CCNH: variants seen among roughly 807,000 people sequenced by gnomAD.
CCNH encodes the protein cyclin-H.
Under a neutral mutation model 41.9 loss-of-function variants are expected in CCNH, and 31 were observed. The observed-to-expected ratio is 0.74, with a 90% confidence interval of 0.56 to 1.00. The LOEUF (loss-of-function observed/expected upper bound fraction) is 1.00, where lower values mean the gene tolerates loss of function less well. CCNH is among the 50% of genes least tolerant of loss of function. The pLI is 0.00. For synonymous variants in CCNH, 138 were observed against 136.1 expected, an observed-to-expected ratio of 1.01 and a Z score of -0.10; for missense variants, 362 against 388.4, an observed-to-expected ratio of 0.93 and a Z score of 0.57.
chr5:87,410,379 C>G (rs1298626522), intron 2 of CCNH, among the ~76,000 whole-genome samples: 2 of 152,042 alleles, frequency 1.3e-5, no homozygotes, highest in African/African-American at 2.4e-5. Context: ...ACCTAAAACT[C>G]TCTCTGAATC....
At position 87,383,823 on chromosome 5, in the gene CCNH, T is replaced by A. The variant is rs80152927; in HGVS notation, c.*90+8947A>T. 3,494 of 1,506,744 alleles carry A rather than the reference T, an allele frequency of 2.3e-3. 57 individuals are homozygous for A. The African/African-American group carries it at 0.04, about 17-fold the overall frequency. The allele number at this position is 1,506,744 out of a possible 1,614,324, so 93.3% of individuals were successfully genotyped here. A position where few individuals can be genotyped will look rare whatever the true frequency, so the allele number is the denominator to read the frequency against. On this transcript the variant is annotated intron_variant and NMD_transcript_variant, in intron 9 of 9. Transcript: ENST00000645953. Reference sequence around the variant, plus strand: ...CATTTTGAAATTCAAAATATTAGAATTAACAGTTTCATACTATTTAAGAAT... The same window carrying A: ...CATTTTGAAATTCAAAATATTAGAAATAACAGTTTCATACTATTTAAGAAT...
At chr5:87,352,234 G>A (rs913643755) in intron 9 of CCNH, among the ~76,000 whole-genome samples, 2 of 151,072 alleles carry the variant, frequency 1.3e-5, no homozygotes, top group African/African-American at 4.8e-5. Context: ...CTTTTGTTTT[G>A]GTTTTTAACA....
chr5:87,374,457 ATATTTT>A, downstream of CCNH: 1 of 243,990 alleles, frequency 4.1e-6, no homozygotes, highest in Non-Finnish European at 6.7e-6. Flanking sequence ...ATATATATAT[ATATTTT>A]TTTTTTTTTT....
At chr5:87,375,708 A>G (rs969516885), downstream of CCNH, among the ~76,000 whole-genome samples, 5 of 152,316 alleles carry the variant, frequency 3.3e-5, no homozygotes, top group African/African-American at 1.2e-4. Flanking sequence ...TCCTGCTGCT[A>G]AAACAGTTGA....
intron 7 of CCNH, among the ~76,000 whole-genome samples, 158 bp from the exon 8 acceptor site, chr5:87,395,262 G>T (rs1040384886): frequency 3.3e-5 from 5 of 152,132 alleles, no homozygotes; most frequent in Non-Finnish European, 7.4e-5. Context: ...TAGGGAAAAT[G>T]ATACTTTTAC....
downstream of CCNH, chr5:87,392,785 A>G (rs1426245132): frequency 6.4e-6 from 1 of 155,750 alleles, no homozygotes; most frequent in African/African-American, 2.4e-5. Flanking sequence ...TAGGCCCTCT[A>G]GTAACTAGCT....
intron 9 of CCNH, among the ~76,000 whole-genome samples, chr5:87,338,536 A>ATATATATATATATATATATATTTTTT: frequency 4.7e-5 from 4 of 85,216 alleles, no homozygotes; most frequent in Admixed American, 2.6e-4. Flanking sequence ...TATATATAAA[A>ATATATATATATATATATATATTTTTT]TTTTTTTTTT....
chr5:87,376,640 A>T, exon 1 of CCNH: 1 of 1,511,608 alleles, frequency 6.6e-7, no homozygotes, highest in Non-Finnish European at 9.1e-7. Flanking sequence ...AGATCCATTA[A>T]GGTAAACATA....
chr5:87,314,203 TAAAG>T (rs572653004), downstream of CCNH, among the ~76,000 whole-genome samples: 20 of 151,938 alleles, frequency 1.3e-4, 1 homozygote, highest in South Asian at 1.0e-3. Context: ...AATAAAAAAA[TAAAG>T]AAAGTGCATG....
At chr5:87,358,898 C>G (rs1561307840) in intron 9 of CCNH, among the ~76,000 whole-genome samples, 1 of 152,128 alleles carries the variant, frequency 6.6e-6, no homozygotes, top group Non-Finnish European at 1.5e-5. Flanking sequence ...ATCCACTAGC[C>G]TCACTCTTAC....
chr5:87,381,211 T>C (rs1761690944), upstream of CCNH, among the ~76,000 whole-genome samples: 1 of 152,206 alleles, frequency 6.6e-6, no homozygotes, highest in African/African-American at 2.4e-5. Context: ...ATTTTTCCAA[T>C]GAAGAAGCAG....
At chr5:87,333,242 ATCT>A (rs1757725486) in intron 9 of CCNH, 3 of 1,607,564 alleles carry the variant, frequency 1.9e-6, no homozygotes, top group South Asian at 2.2e-5. Flanking sequence ...ATCTTTTTAA[ATCT>A]TTTTTTTTTT....
chr5:87,363,664 TATACATAA>T (rs1760283477), intron 9 of CCNH, among the ~76,000 whole-genome samples: 1 of 152,140 alleles, frequency 6.6e-6, no homozygotes, highest in African/African-American at 2.4e-5. Flanking sequence ...TAGACTAATA[TATACATAA>T]AGTCTACTTC....
chr5:87,343,305 A>T (rs2112404770), intron 9 of CCNH, among the ~76,000 whole-genome samples: 1 of 152,304 alleles, frequency 6.6e-6, no homozygotes, highest in South Asian at 2.1e-4. Context: ...ATTCTAGTTC[A>T]GGACTTTTTA....
At chr5:87,331,053 T>A in intron 9 of CCNH, 1 of 1,230,932 alleles carries the variant, frequency 8.1e-7, no homozygotes, top group East Asian at 2.6e-5. Context: ...GCAGTAGTGT[T>A]TATATTTTGA....
At chr5:87,374,442 C>CATAT (rs772543160), downstream of CCNH, 105 of 283,164 alleles carry the variant, frequency 3.7e-4, no homozygotes, top group East Asian at 1.1e-3. Flanking sequence ...GTTCTAATAG[C>CATAT]ATATATATAT....
Position 87,363,428 on chromosome 5 carries a change from C to T in CCNH, c.*90+29342G>A, listed in dbSNP as rs1554048066. On this transcript the variant is annotated intron_variant and NMD_transcript_variant, in intron 9 of 9. Coordinates refer to the CCNH transcript ENST00000645953. Reference sequence around the variant, plus strand: ...ACTTATTTATTTTGAAAGCGAAAAACGAGCTACCAAACCAAAAGGATTAAT... The same window carrying T: ...ACTTATTTATTTTGAAAGCGAAAAATGAGCTACCAAACCAAAAGGATTAAT... The T allele has an allele frequency of 6.2e-7, 1 of 1,610,912 alleles. No homozygotes were observed. The highest frequency in any genetic ancestry group is 8.5e-7 in the Non-Finnish European group (1 of 1,177,558).
chr5:87,390,416 T>C (rs571746397), downstream of CCNH, among the ~76,000 whole-genome samples: 1 of 152,070 alleles, frequency 6.6e-6, no homozygotes, highest in East Asian at 1.9e-4. Context: ...TCAAGTCCTG[T>C]TTCTCCCCGC....
At chr5:87,408,266 A>G (rs1763953272) in intron 3 of CCNH, 80 bp from the exon 4 acceptor site, 1 of 627,808 alleles carries the variant, frequency 1.6e-6, no homozygotes, top group Non-Finnish European at 2.6e-6. Context: ...AAGTATCTAA[A>G]TAATTTATTT....
Sources: gnomAD v4.1 joint callset for allele counts (sites outside exome capture counted in the v4.1 genomes callset) on GRCh38, gnomAD v4.1.1 for gene constraint, MANE v1.5 for transcripts, NCBI Gene and HGNC (gene_info 2026-07-23, HGNC 2026-07-21) for gene names.